Variants in RC3H2 observed in about 807,000 individuals in gnomAD.
RC3H2 encodes the protein roquin-2.
A neutral mutation model predicts 133.3 loss-of-function variants in RC3H2; 31 were observed. The observed-to-expected ratio is 0.23, with a 90% confidence interval of 0.17 to 0.31. The LOEUF (loss-of-function observed/expected upper bound fraction) is 0.31. Ranked by LOEUF, RC3H2 falls within the 10% of genes least tolerant of loss-of-function variation. RC3H2 has a pLI of 1.00. For synonymous variants in RC3H2, 517 were observed against 502.2 expected, an observed-to-expected ratio of 1.03 and a Z score of -0.40; for missense variants, 1,175 against 1,437.2, an observed-to-expected ratio of 0.82 and a Z score of 2.95.
intron 2 of RC3H2, among the ~76,000 whole-genome samples, 154 bp downstream of exon 2, chr9:122,897,125 C>T (rs573750961): frequency 1.5e-4 from 22 of 151,274 alleles, no homozygotes; most frequent in Non-Finnish European, 2.4e-4. Flanking sequence ...AAAAAAATCT[C>T]ACAATGTTTT....
intron 18 of RC3H2, among the ~76,000 whole-genome samples, chr9:122,852,116 C>T (rs1423266120): frequency 6.7e-6 from 1 of 149,956 alleles, no homozygotes; most frequent in Admixed American, 6.6e-5. Context: ...GGCCGCCCGT[C>T]GTCTGGGATG....
intron 13 of RC3H2, among the ~76,000 whole-genome samples, chr9:122,856,632 C>T (rs1379692626): frequency 6.6e-6 from 1 of 151,936 alleles, no homozygotes; most frequent in Non-Finnish European, 1.5e-5. Flanking sequence ...TATCAAAGAA[C>T]AAAAGGAATT....
At chr9:122,852,231 G>A (rs1248929782) in intron 18 of RC3H2, among the ~76,000 whole-genome samples, 1 of 143,424 alleles carries the variant, frequency 7.0e-6, no homozygotes, top group East Asian at 2.1e-4. Context: ...CGGCCGCCCC[G>A]TCTGAGAAGT....
chr9:122,866,156 T>C (rs1045557966), intron 9 of RC3H2, among the ~76,000 whole-genome samples: 7 of 152,166 alleles, frequency 4.6e-5, no homozygotes, highest in Non-Finnish European at 1.0e-4. Flanking sequence ...AAAAAACTCA[T>C]TCTTAAACAA....
intron 10 of RC3H2, 62 bp downstream of exon 10, chr9:122,865,287 A>C: frequency 7.2e-7 from 1 of 1,389,252 alleles, no homozygotes; most frequent in South Asian, 1.4e-5. Context: ...AGAAATAAAA[A>C]CACTCAGGCA....
At chr9:122,893,911 A>G (rs2131496023) in intron 2 of RC3H2, among the ~76,000 whole-genome samples, 1 of 152,296 alleles carries the variant, frequency 6.6e-6, no homozygotes, top group East Asian at 1.9e-4. Context: ...TCCAAGTCAT[A>G]ATTTCCATAT....
rs1052178533 is a variant in RC3H2, at chr9:122,845,277, G to A, written c.*4350C>T. The stretch of plus-strand genomic sequence containing the variant: ...AACAGTATAAATGCAGACAGCAGTT[G>A]CTGCAAGCTAACCACGATACTCCCA... On this transcript the variant is annotated 3_prime_UTR_variant, in exon 21 of 21. Coordinates refer to ENST00000357244, the MANE Select transcript of RC3H2 (RefSeq NM_001100588.3). 1.3e-5 allele frequency: 2 copies of A among 152,220 alleles called. No homozygotes were observed. The highest frequency in any genetic ancestry group is 2.9e-5 in the Non-Finnish European group (2 of 68,038). The allele number at this position is 152,220 out of a possible 1,614,324, so 9.4% of individuals were successfully genotyped here. A position where few individuals can be genotyped will look rare whatever the true frequency, so the allele number is the denominator to read the frequency against.
intron 9 of RC3H2, among the ~76,000 whole-genome samples, chr9:122,868,903 T>G (rs1420868319): frequency 1.7e-5 from 2 of 120,488 alleles, no homozygotes; most frequent in African/African-American, 3.4e-5. Flanking sequence ...GTGTTTTTTT[T>G]TTTTTTTTTT....
chr9:122,885,516 A>G (rs949523475), intron 4 of RC3H2, among the ~76,000 whole-genome samples: 1 of 152,236 alleles, frequency 6.6e-6, no homozygotes, highest in African/African-American at 2.4e-5. Context: ...TAACGTATCT[A>G]GTTACCAACA....
intron 9 of RC3H2, chr9:122,873,894 T>G (rs1831217785): frequency 6.6e-6 from 1 of 152,144 alleles, no homozygotes; most frequent in African/African-American, 2.4e-5. Context: ...CTCGGCTCAC[T>G]GCAACCTCTG....
At position 122,858,781 on chromosome 9, in the gene RC3H2, T is replaced by G; in HGVS notation, c.2171A>C (p.His724Pro). ...CAAAGATGTCTGATAGACAGATGAG[T>G]GCATCACATCCATTGGAGGTAAAGA... The part of the protein sequence containing the change: ...SNSLPPMDVM[H>P]SSVYQTSLRE... The change falls in exon 12 of 21, where the codon CAC becomes CCC. Residue 724 changes from histidine (H) to proline (P), a missense_variant. Physicochemically the swap from His to Pro is moderately conservative, Grantham distance 77 (BLOSUM62 -2). Coordinates refer to ENST00000357244, the MANE Select transcript of RC3H2 (RefSeq NM_001100588.3). 1 of 1,614,218 alleles carries G rather than the reference T, an allele frequency of 6.2e-7. No individual in the cohort carries two copies.
intron 14 of RC3H2, 48 bp from the exon 15 acceptor site, chr9:122,855,445 C>T (rs1273613005): frequency 1.3e-6 from 2 of 1,512,136 alleles, no homozygotes; most frequent in South Asian, 2.3e-5. Flanking sequence ...GCAATTACTT[C>T]AGCTAGTAAA....
intron 9 of RC3H2, 108 bp from the exon 10 acceptor site, chr9:122,865,765 T>A: frequency 1.1e-6 from 1 of 900,016 alleles, no homozygotes; most frequent in Non-Finnish European, 1.7e-6. Flanking sequence ...GAAACAGTTT[T>A]GACAAAAAGT....
At position 122,868,130 on chromosome 9, in the gene RC3H2, C is replaced by T. The variant is rs1376591070; in HGVS notation, c.1326-2473G>A. On this transcript the variant is annotated intron_variant, in intron 9 of 20. Coordinates refer to ENST00000357244, the MANE Select transcript of RC3H2 (RefSeq NM_001100588.3). ...CCAGGAGGGAGGTGGGGGTGTCAGC[C>T]CCCCGCCCGGCCAGCCGCCCTGTCG... 3.4e-5 allele frequency among the ~76,000 whole-genome samples: 5 copies of T among 147,698 alleles called. No individual in the cohort carries two copies. The East Asian group carries it at 1.1e-3, about 31-fold the overall frequency.
chr9:122,896,108 T>A (rs1390736847), intron 2 of RC3H2, among the ~76,000 whole-genome samples: 1 of 121,260 alleles, frequency 8.2e-6, no homozygotes. Context: ...ACACTAACAA[T>A]AGCTGATGAG....
intron 13 of RC3H2, 140 bp from the exon 14 acceptor site, chr9:122,856,018 C>CTTTTTCAATAACTAA: frequency 1.6e-6 from 1 of 632,134 alleles, no homozygotes; most frequent in Non-Finnish European, 2.5e-6. Flanking sequence ...ATATAAAAAA[C>CTTTTTCAATAACTAA]TGTAATAAGC....
intron 9 of RC3H2, among the ~76,000 whole-genome samples, chr9:122,866,826 C>T (rs1014303366): frequency 6.6e-6 from 1 of 152,026 alleles, no homozygotes; most frequent in Non-Finnish European, 1.5e-5. Flanking sequence ...CCGGCCGCCA[C>T]CCCGTCTGGG....
At chr9:122,870,423 A>C (rs1046253057) in intron 9 of RC3H2, among the ~76,000 whole-genome samples, 35 of 151,336 alleles carry the variant, frequency 2.3e-4, no homozygotes, top group Middle Eastern at 3.4e-3. Context: ...CAAAAAAAAA[A>C]CAACAAACTG....
intron 6 of RC3H2, 191 bp from the exon 7 acceptor site, chr9:122,880,316 A>T: frequency 2.4e-6 from 2 of 830,210 alleles, no homozygotes; most frequent in Non-Finnish European, 4.1e-6. Context: ...CACTTAGAAA[A>T]CTTATAAGCT....
Sources: allele counts gnomAD v4.1 joint callset (sites outside exome capture counted in the v4.1 genomes callset), GRCh38; gene constraint gnomAD v4.1.1; transcripts MANE v1.5; gene names NCBI Gene and HGNC (gene_info 2026-07-23, HGNC 2026-07-21).